The following DIS3L variants were observed in gnomAD, a reference collection of about 807,000 sequenced individuals.
The protein encoded by DIS3L is DIS3 like exosome 3'-5' exoribonuclease, also known as DIS3-like exonuclease 1.
A neutral mutation model predicts 120.3 loss-of-function variants in DIS3L; 100 were observed. The ratio of observed to expected loss-of-function variants is 0.83; its 90% CI spans 0.71 to 0.98. DIS3L has a LOEUF of 0.98. Among genes scored for constraint, DIS3L ranks in the 50% least tolerant of loss-of-function variants. The pLI, the probability that DIS3L is intolerant of heterozygous loss-of-function variation, is 0.00. For missense variants in DIS3L, 1,196 were observed against 1,314.2 expected (o/e 0.91, Z 1.39); for synonymous variants, 426 against 470.6 (o/e 0.91, Z 1.23).
chr15:66,299,741 C>T (rs1055266688), intron 2 of DIS3L, among the ~76,000 whole-genome samples: 3 of 152,072 alleles, frequency 2.0e-5, no homozygotes, highest in Admixed American at 1.3e-4. Flanking sequence ...GAATTGAAAA[C>T]ATGTCAACAT....
rs369262042 is a variant in DIS3L at position 66,311,766 on chromosome 15, G to A, written c.601G>A (p.Glu201Lys). The stretch of plus-strand genomic sequence containing the variant: ...CTGGCCTGATTTAAAAGCTGCCCAC[G>A]AGCTTTGTGATTCTATCCTTCAGTC... The part of the protein sequence containing the change: ...NFWPDLKAAH[E>K]LCDSILQSRR... The change falls in exon 5 of 17, where the codon GAG (glutamate) becomes AAG (lysine). Residue 201 changes from glutamate to lysine, a missense_variant. Transcript: ENST00000319212. 25 of 1,613,986 alleles carry A rather than the reference G, an allele frequency of 1.5e-5. No homozygotes were observed. The highest frequency in any genetic ancestry group is 2.1e-5 in the Non-Finnish European group (25 of 1,180,020).
Position 66,329,267 on chromosome 15 carries a change from A to T in DIS3L, c.2403A>T (p.Arg801Ser). 1.2e-6 allele frequency: 2 copies of T among 1,612,044 alleles called. No homozygotes were observed. Among genetic ancestry groups the T allele is most frequent in the Non-Finnish European group, 1.7e-6 (2 of 1,179,350 alleles). Residue 801 changes from arginine to serine, a missense_variant, in exon 14 of 17, where the codon AGA (arginine) becomes AGT (serine). Arg to Ser is a moderately radical substitution (Grantham distance 110). Coordinates refer to ENST00000319212, the MANE Select transcript of DIS3L (RefSeq NM_001143688.3). ...KYTHFTSPIRRYSDIVVHRLL... is the reference protein window; with the variant it reads ...KYTHFTSPIRSYSDIVVHRLL... Reference sequence around the variant, plus strand: ...CCCACTTTACTTCTCCAATAAGAAGATATTCAGATATTGTAGTACACCGCT... The same window carrying T: ...CCCACTTTACTTCTCCAATAAGAAGTTATTCAGATATTGTAGTACACCGCT...
chr15:66,309,622 CAGAA>C (rs1386028310), intron 4 of DIS3L, among the ~76,000 whole-genome samples: 1 of 152,070 alleles, frequency 6.6e-6, no homozygotes, highest in Non-Finnish European at 1.5e-5. Context: ...AATGGAAACA[CAGAA>C]AGGCTAAGTA....
In DIS3L at chr15:66,318,623, T is replaced by C. The variant is rs1423611610; in HGVS notation, c.1164+5T>C. 9.9e-6 allele frequency: 16 copies of C among 1,613,578 alleles called. No homozygotes were observed. Among genetic ancestry groups the C allele is most frequent in the Admixed American group, 3.3e-5 (2 of 59,964 alleles). On this transcript the variant is annotated splice_donor_5th_base_variant and intron_variant, in intron 8 of 16. Coordinates refer to ENST00000319212, the MANE Select transcript of DIS3L (RefSeq NM_001143688.3). ...CAGCAAGCAGAAACCCTCCAGGTAG[T>C]TGGCATTCTACCTCTACTATGGGAT...
intron 1 of DIS3L, among the ~76,000 whole-genome samples, chr15:66,294,760 G>A (rs528234385): frequency 1.3e-5 from 2 of 152,214 alleles, no homozygotes; most frequent in Non-Finnish European, 2.9e-5. Flanking sequence ...CGGCACCTCT[G>A]GCAACACCAT....
rs143921631 is a variant in DIS3L at position 66,322,779 on chromosome 15, C to T, written c.1419C>T (p.Leu473=). 30 of 1,613,992 alleles carry T rather than the reference C, an allele frequency of 1.9e-5. No individual in the cohort carries two copies. The African/African-American group carries it at 2.3e-4, about 12-fold the overall frequency. ...QKRKDLRKSH[L]VFSIDPKGCE... The stretch of plus-strand genomic sequence containing the variant: ...GTAAAGACTTGAGGAAAAGCCATCT[C>T]GTATTCAGCATTGACCCCAAAGGTT... Residue 473 remains leucine, a synonymous_variant, in exon 10 of 17, where the codon CTC becomes CTT. Coordinates refer to ENST00000319212, the MANE Select transcript of DIS3L (RefSeq NM_001143688.3).
At chr15:66,329,798 G>T in intron 14 of DIS3L, 1 of 925,288 alleles carries the variant, frequency 1.1e-6, no homozygotes, top group Non-Finnish European at 1.3e-6. Context: ...TGTAGTCCCA[G>T]TTACTTGGGA....
At position 66,326,232 on chromosome 15, in the gene DIS3L, A is replaced by C. The variant is rs746398400; in HGVS notation, c.2069A>C (p.His690Pro). Residue 690 changes from histidine (H) to proline (P), a missense_variant, in exon 12 of 17, where the codon CAC becomes CCC. Coordinates refer to ENST00000319212, the MANE Select transcript of DIS3L (RefSeq NM_001143688.3). ...GCTGAATGCATGATCCTGGCCAACC[A>C]CTGGGTCGCCAAAAAGATCTGGGAG... is the stretch of plus-strand genomic sequence containing the variant. ...TVAECMILAN[H>P]WVAKKIWESF... is the part of the protein sequence containing the mutation. The C allele has an allele frequency of 6.2e-7, 1 of 1,614,080 alleles. No individual in the cohort carries two copies. The highest frequency in any genetic ancestry group is 1.3e-5 in the African/African-American group (1 of 74,930).
At chr15:66,310,137 G>A (rs2092746059) in intron 4 of DIS3L, among the ~76,000 whole-genome samples, 1 of 152,150 alleles carries the variant, frequency 6.6e-6, no homozygotes, top group African/African-American at 2.4e-5. Flanking sequence ...TCAGTTTATA[G>A]AAAGTCTAGT....
chr15:66,327,175 G>A (rs141054292), intron 12 of DIS3L, among the ~76,000 whole-genome samples: 7 of 151,910 alleles, frequency 4.6e-5, no homozygotes, highest in African/African-American at 7.2e-5. Flanking sequence ...TGATTCGCCC[G>A]TCTCGGTCTC....
chr15:66,311,236 G>A (rs2092757960), intron 4 of DIS3L, among the ~76,000 whole-genome samples: 2 of 151,818 alleles, frequency 1.3e-5, no homozygotes, highest in Non-Finnish European at 2.9e-5. Context: ...GGTGGCATGC[G>A]CCTCTAGTCC....
upstream of DIS3L, chr15:66,293,354 C>T: frequency 1.7e-6 from 1 of 580,566 alleles, no homozygotes; most frequent in Non-Finnish European, 2.4e-6. Flanking sequence ...CCTAGTCTTC[C>T]CTCCGTCTCT....
chr15:66,297,490 T>C (rs1015766582), intron 2 of DIS3L, among the ~76,000 whole-genome samples: 10 of 152,218 alleles, frequency 6.6e-5, no homozygotes, highest in African/African-American at 1.9e-4. Context: ...TTTTAAAATA[T>C]GTATACATTG....
chr15:66,329,164 C>T (rs942475274), intron 13 of DIS3L, 40 bp downstream of exon 13: 10 of 1,589,724 alleles, frequency 6.3e-6, no homozygotes, highest in African/African-American at 5.4e-5. Flanking sequence ...TGTAACTTTG[C>T]GCTAGTTATT....
rs2092899798 is a variant in DIS3L, at chr15:66,322,840, T to G, written c.1480T>G (p.Leu494Val). The change falls in exon 10 of 17, where the codon TTA (leucine) becomes GTA (valine). Residue 494 changes from leucine (L) to valine (V), a missense_variant. Physicochemically the swap from Leu to Val is conservative, Grantham distance 32. Coordinates refer to ENST00000319212, the MANE Select transcript of DIS3L (RefSeq NM_001143688.3). ...DVDDTLSVRTLNNGNLELGVH... is the reference protein window; with the variant it reads ...DVDDTLSVRTVNNGNLELGVH... ...GGATGACACACTCTCAGTCAGAACC[T>G]TAAATAATGGCAACCTGGAACTTGG... The G allele has an allele frequency of 1.2e-6, 2 of 1,614,222 alleles. No individual in the cohort carries two copies. Among genetic ancestry groups the G allele is most frequent in the Non-Finnish European group, 1.7e-6 (2 of 1,180,032 alleles).
chr15:66,304,112 A>G lies in DIS3L; in HGVS notation c.294-2712A>G, dbSNP rs548126976. ...TTCAAAAAAAAAAAAAAAAAAAAAA[A>G]CAATATGGCATAGACTCTTCTAAGA... On this transcript the variant is annotated intron_variant, in intron 2 of 16. Coordinates refer to ENST00000319212, the MANE Select transcript of DIS3L (RefSeq NM_001143688.3). Among the ~76,000 whole-genome samples the G allele has an allele frequency of 4.6e-4, 51 of 111,382 alleles. 1 individual carries two copies. The highest frequency in any genetic ancestry group is 1.5e-3 in the African/African-American group (47 of 32,410). The allele number at this position is 111,382 out of a possible 152,430, so 73.1% of individuals were successfully genotyped here. A position where few individuals can be genotyped will look rare whatever the true frequency, so the allele number is the denominator to read the frequency against.
At chr15:66,303,866 T>C (rs60753541) in intron 2 of DIS3L, among the ~76,000 whole-genome samples, 31,322 of 148,164 alleles carry the variant, frequency 0.21, 3,529 homozygotes, top group Admixed American at 0.25. Flanking sequence ...CCGAGGCGGG[T>C]GGATCATGAG....
intron 2 of DIS3L, among the ~76,000 whole-genome samples, chr15:66,297,921 C>T (rs1268795527): frequency 6.6e-6 from 1 of 151,658 alleles, no homozygotes; most frequent in Non-Finnish European, 1.5e-5. Flanking sequence ...AGCTCATGCC[C>T]ATAATCTCAG....
At chr15:66,300,982 T>C (rs537276781) in intron 2 of DIS3L, among the ~76,000 whole-genome samples, 1 of 152,388 alleles carries the variant, frequency 6.6e-6, no homozygotes, top group Admixed American at 6.5e-5. Context: ...ACCTGGGTTC[T>C]GCAAAATCCA....
Sources: gnomAD v4.1 joint callset for allele counts (sites outside exome capture counted in the v4.1 genomes callset) on GRCh38, gnomAD v4.1.1 for gene constraint, MANE v1.5 for transcripts, NCBI Gene and HGNC (gene_info 2026-07-23, HGNC 2026-07-21) for gene names.